PLCB4: variants seen among roughly 807,000 people sequenced by gnomAD.
The protein encoded by PLCB4 is 1-phosphatidylinositol 4,5-bisphosphate phosphodiesterase beta-4.
Under a neutral mutation model 178.8 loss-of-function variants are expected in PLCB4, and 77 were observed. That is an observed-to-expected ratio of 0.43 (90% CI 0.36 to 0.52). PLCB4 has a LOEUF of 0.52. PLCB4 is among the 20% of genes least tolerant of loss of function. The pLI, the probability that PLCB4 is intolerant of heterozygous loss-of-function variation, is 0.00. For missense variants in PLCB4, 1,024 were observed against 1,453.4 expected (o/e 0.70, Z 4.80); for synonymous variants, 496 against 490.8 (o/e 1.01, Z -0.14).
At chr20:9,280,131 T>A (rs1800652573) in intron 3 of PLCB4, among the ~76,000 whole-genome samples, 1 of 152,004 alleles carries the variant, frequency 6.6e-6, no homozygotes, top group Non-Finnish European at 1.5e-5. Flanking sequence ...CAAAAGACTG[T>A]TGCATAAAAA....
chr20:9,211,241 C>T lies in PLCB4; in HGVS notation c.-78-6149C>T, dbSNP rs188840849. Among the ~76,000 whole-genome samples, 10 of 152,288 alleles carry T rather than the reference C, an allele frequency of 6.6e-5. No homozygotes were observed. In the East Asian group the frequency reaches 1.7e-3, roughly 26 times the overall value. ...CTTCTAAGATGAGTCCTAACACCGC[C>T]TGCATTTTACAGATAGGAGCTGGTT... is the stretch of plus-strand genomic sequence containing the variant. On this transcript the variant is annotated intron_variant, in intron 2 of 39. Transcript: ENST00000378473.
intron 13 of PLCB4, among the ~76,000 whole-genome samples, chr20:9,383,555 G>A (rs778599063): frequency 3.9e-5 from 6 of 152,150 alleles, no homozygotes; most frequent in Non-Finnish European, 8.8e-5. Context: ...TGTCAGAAAG[G>A]TGTGATCGAA....
At chr20:9,205,175 T>C (rs1272888978) in intron 2 of PLCB4, among the ~76,000 whole-genome samples, 2 of 152,182 alleles carry the variant, frequency 1.3e-5, no homozygotes, top group East Asian at 3.9e-4. Context: ...GAGCCACAGC[T>C]CCAAGTCAGC....
intron 32 of PLCB4, 114 bp from the exon 33 acceptor site, chr20:9,453,233 T>C (rs2042874189): frequency 1.5e-6 from 1 of 654,216 alleles, no homozygotes; most frequent in Non-Finnish European, 2.7e-6. Flanking sequence ...GATTTGGTTA[T>C]TCCTTGACTT....
At chr20:9,237,870 A>G (rs1006960483) in intron 3 of PLCB4, among the ~76,000 whole-genome samples, 57 of 151,738 alleles carry the variant, frequency 3.8e-4, no homozygotes, top group African/African-American at 1.3e-3. Flanking sequence ...AGTATTTTTT[A>G]TAAGAACCAA....
At chr20:9,230,039 C>T (rs897221076) in intron 3 of PLCB4, among the ~76,000 whole-genome samples, 1 of 152,208 alleles carries the variant, frequency 6.6e-6, no homozygotes, top group South Asian at 2.1e-4. Context: ...GGCCAGAAGT[C>T]CAAGATCAAG....
At chr20:9,307,040 A>T (rs1286289118) in intron 3 of PLCB4, among the ~76,000 whole-genome samples, 1 of 152,156 alleles carries the variant, frequency 6.6e-6, no homozygotes, top group Non-Finnish European at 1.5e-5. Flanking sequence ...GCAAGCCCAG[A>T]ATCCCTGCTA....
chr20:9,390,679 G>A (rs1288434141), intron 17 of PLCB4, 64 bp downstream of exon 17: 1 of 795,736 alleles, frequency 1.3e-6, no homozygotes, highest in Non-Finnish European at 2.2e-6. Context: ...TTTCTGAAGG[G>A]TCAAGTAGTA....
intron 2 of PLCB4, among the ~76,000 whole-genome samples, chr20:9,130,537 A>C (rs147281193): frequency 2.0e-5 from 3 of 152,312 alleles, no homozygotes; most frequent in African/African-American, 7.2e-5. Flanking sequence ...CAGTAATGTC[A>C]CTGCAAGTGT....
rs768025566 is a variant in PLCB4, at chr20:9,408,639, A to G, written c.1796A>G (p.Asn599Ser). The stretch of plus-strand genomic sequence containing the variant: ...CTTTGCTTTTCTTTTACAGAACGCA[A>G]TATTCATTATAACATGTCTTCTTTT... The part of the protein sequence containing the change: ...FQGFHVAEER[N>S]IHYNMSSFNE... Residue 599 changes from asparagine (N) to serine (S), a missense_variant, in exon 23 of 40, where the codon AAT becomes AGT. Physicochemically the swap from Asn to Ser is conservative, Grantham distance 46. Coordinates refer to ENST00000378473, the MANE Select transcript of PLCB4 (RefSeq NM_001377142.1). 8 of 1,542,008 alleles carry G rather than the reference A, an allele frequency of 5.2e-6. No homozygotes were observed. Among genetic ancestry groups the G allele is most frequent in the Admixed American group, 3.3e-5 (2 of 59,834 alleles).
At chr20:9,217,171 T>C (rs1007978269) in intron 2 of PLCB4, among the ~76,000 whole-genome samples, 1 of 152,254 alleles carries the variant, frequency 6.6e-6, no homozygotes, top group African/African-American at 2.4e-5. Flanking sequence ...GTAGAGAGAG[T>C]GTATAAACTC....
At chr20:9,311,486 GTC>G (rs938428911) in intron 4 of PLCB4, among the ~76,000 whole-genome samples, 1 of 152,106 alleles carries the variant, frequency 6.6e-6, no homozygotes, top group Admixed American at 6.6e-5. Flanking sequence ...AACCAGGAGT[GTC>G]TCTCTTTTTT....
intron 2 of PLCB4, among the ~76,000 whole-genome samples, chr20:9,207,149 CA>C (rs1438297613): frequency 2.0e-5 from 3 of 152,058 alleles, no homozygotes; most frequent in Admixed American, 2.0e-4. Context: ...AACCAATACC[CA>C]AAACAAACGA....
intron 2 of PLCB4, among the ~76,000 whole-genome samples, chr20:9,124,566 AG>A (rs1048965555): frequency 2.0e-4 from 31 of 152,310 alleles, no homozygotes; most frequent in African/African-American, 7.5e-4. Flanking sequence ...AGGCAAATAA[AG>A]AAAATACCTC....
intron 28 of PLCB4, among the ~76,000 whole-genome samples, chr20:9,432,214 A>G (rs913824705): frequency 6.6e-6 from 1 of 151,938 alleles, no homozygotes; most frequent in African/African-American, 2.4e-5. Context: ...ACACAAAAAT[A>G]TACAAAAATG....
intron 3 of PLCB4, among the ~76,000 whole-genome samples, chr20:9,276,577 G>A (rs2094452426): frequency 6.6e-6 from 1 of 152,076 alleles, no homozygotes; most frequent in South Asian, 2.1e-4. Flanking sequence ...GCAAAGCAGT[G>A]AATTGAGATC....
chr20:9,463,593 CAAAAAAAAAA>C (rs145361980), intron 35 of PLCB4, among the ~76,000 whole-genome samples: 1 of 49,696 alleles, frequency 2.0e-5, no homozygotes, highest in Non-Finnish European at 3.7e-5. Context: ...AAATGGAAAG[CAAAAAAAAAA>C]AAAAAAAAAA....
chr20:9,428,636 C>A (rs115939398), intron 28 of PLCB4, among the ~76,000 whole-genome samples: 1,775 of 152,204 alleles, frequency 0.012, 28 homozygotes, highest in African/African-American at 0.041. Flanking sequence ...TGGGATTTGC[C>A]TTTCTTTATC....
At chr20:9,095,045 C>G (rs2090847710) in intron 1 of PLCB4, among the ~76,000 whole-genome samples, 1 of 152,152 alleles carries the variant, frequency 6.6e-6, no homozygotes, top group African/African-American at 2.4e-5. Flanking sequence ...ACTGGGGAGT[C>G]CACATGGGGC....
Sources: allele counts gnomAD v4.1 joint callset (sites outside exome capture counted in the v4.1 genomes callset), GRCh38; gene constraint gnomAD v4.1.1; transcripts MANE v1.5; gene names NCBI Gene and HGNC (gene_info 2026-07-23, HGNC 2026-07-21).